The following MEN1 variants were observed in gnomAD, a reference collection of about 807,000 sequenced individuals.
MEN1 encodes the protein menin 1.
In MEN1, 6 loss-of-function variants were observed where a neutral mutation model predicts 58.0. That is an observed-to-expected ratio of 0.10 (90% CI 0.06 to 0.20). The LOEUF (loss-of-function observed/expected upper bound fraction) is 0.20. MEN1 is among the 10% of genes least tolerant of loss of function. The pLI is 1.00. For missense variants in MEN1, 492 were observed against 818.5 expected (o/e 0.60, Z 4.87); for synonymous variants, 346 against 350.7 (o/e 0.99, Z 0.15).
chr11:64,806,220 G>C lies in MEN1; in HGVS notation c.1049+12C>G, dbSNP rs1941712661. On this transcript the variant is annotated intron_variant, in intron 7 of 9. Transcript: ENST00000450708. ...AAGGACAGGCTGCAGGCCCTAGTAG[G>C]GGGATCCTCACTCCTGGATGACAGT... is the stretch of plus-strand genomic sequence containing the variant. 6.2e-7 allele frequency: 1 copy of C among 1,614,026 alleles called. No homozygotes were observed. The highest frequency in any genetic ancestry group is 2.2e-5 in the East Asian group (1 of 44,888).
Position 64,806,307 on chromosome 11 carries a change from G to A in MEN1, c.974C>T (p.Ala325Val), listed in dbSNP as rs370840265. The change falls in exon 7 of 10, where the codon GCT becomes GTT. Residue 325 changes from alanine (A) to valine (V), a missense_variant. Transcript: ENST00000450708. ...ATTGCGGTTGCGACAGTGGTAGCCA[G>A]CCAGGTACATGTAGGGGTAGATGTG... ...DEHIYPYMYL[A>V]GYHCRNRNVR... 1 of 1,614,094 alleles carries A rather than the reference G, an allele frequency of 6.2e-7. No homozygotes were observed. Among genetic ancestry groups the A allele is most frequent in the Non-Finnish European group, 8.5e-7 (1 of 1,180,018 alleles).
intron 7 of MEN1, 176 bp from the exon 8 acceptor site, chr11:64,805,946 C>T: frequency 2.8e-6 from 2 of 712,432 alleles, no homozygotes; most frequent in Non-Finnish European, 4.8e-6. Flanking sequence ...AGGAGGGGGG[C>T]ATGGGGCCGA....
In MEN1 at chr11:64,807,059, C is replaced by T. The variant is rs769748450; in HGVS notation, c.864G>A (p.Glu288=). 2 of 1,613,784 alleles carry T rather than the reference C, an allele frequency of 1.2e-6. No individual in the cohort carries two copies. The highest frequency in any genetic ancestry group is 2.2e-5 in the South Asian group (2 of 91,066). The change falls in exon 6 of 10, where the codon GAG becomes GAA. Residue 288 remains glutamate, a synonymous_variant. Coordinates refer to ENST00000450708, the MANE Select transcript of MEN1 (RefSeq NM_001370259.2). The surrounding 1 kb of genome is among the most constrained non-coding windows in gnomAD (Gnocchi z 4.9). ...MALGNLADLE[E]LEPTPGRPDP... Reference sequence around the variant, plus strand: ...CTGGCCGGCCAGGGGTGGGCTCCAGCTCCTCTAGATCTGCCAGGTTCCCTA... The same window carrying T: ...CTGGCCGGCCAGGGGTGGGCTCCAGTTCCTCTAGATCTGCCAGGTTCCCTA...
chr11:64,804,091 T>G lies in MEN1; in HGVS notation c.*243A>C. 3.5e-6 allele frequency: 2 copies of G among 563,580 alleles called. No individual in the cohort carries two copies. Among genetic ancestry groups the G allele is most frequent in the Non-Finnish European group, 6.3e-6 (2 of 315,454 alleles). The allele number at this position is 563,580 out of a possible 1,614,324, so 34.9% of individuals were successfully genotyped here. A position where few individuals can be genotyped will look rare whatever the true frequency, so the allele number is the denominator to read the frequency against. ...CTGGTAATTAGGACCCAGCGTGAGG[T>G]TTCCATTGGCCGGCTGGGATTCTGG... On this transcript the variant is annotated 3_prime_UTR_variant, in exon 10 of 10. Coordinates refer to ENST00000450708, the MANE Select transcript of MEN1 (RefSeq NM_001370259.2). The surrounding 1 kb of genome is among the most constrained non-coding windows in gnomAD (Gnocchi z 4.2).
Position 64,805,038 on chromosome 11 carries a change from C to A in MEN1, c.1346G>T (p.Gly449Val). 6.2e-7 allele frequency: 1 copy of A among 1,613,846 alleles called. No homozygotes were observed. The highest frequency in any genetic ancestry group is 8.5e-7 in the Non-Finnish European group (1 of 1,180,032). Residue 449 changes from glycine to valine, a missense_variant, in exon 9 of 10, where the codon GGA becomes GTA. Around this residue, in one of 5 missense-constraint regions of MEN1, gnomAD observed 45 missense variants for 66.9 expected, o/e 0.67. Transcript: ENST00000450708. The stretch of plus-strand genomic sequence containing the variant: ...CTCTGTGCAGCTGTCCCTCACCTGT[C>A]CCTCAAAACGGCCTAGGGACTGCAC... ...FLVQSLGRFE[G>V]QVRQKVRIVS...
chr11:64,808,942 G>A (rs972289338), intron 2 of MEN1, among the ~76,000 whole-genome samples: 33 of 134,154 alleles, frequency 2.5e-4, no homozygotes, highest in African/African-American at 8.4e-4. Context: ...GCGACAGAGT[G>A]AGACGCCGTC....
Position 64,804,868 on chromosome 11 carries a change from G to C in MEN1, c.1351-52C>G. ...GAGCAAGGTTGCCGGCCAGTGGCTGGAACTCCAGGACCCTGCTCTGGCCAT... is the reference window on the plus strand; with the variant it reads ...GAGCAAGGTTGCCGGCCAGTGGCTGCAACTCCAGGACCCTGCTCTGGCCAT... On this transcript the variant is annotated intron_variant, in intron 9 of 9. Transcript: ENST00000450708. The surrounding 1 kb of genome is among the most constrained non-coding windows in gnomAD (Gnocchi z 4.2). 1.3e-6 allele frequency: 2 copies of C among 1,595,192 alleles called. No homozygotes were observed. The highest frequency in any genetic ancestry group is 1.7e-6 in the Non-Finnish European group (2 of 1,177,816).
At position 64,804,276 on chromosome 11, in the gene MEN1, G is replaced by C; in HGVS notation, c.*58C>G. The C allele has an allele frequency of 2.5e-6, 4 of 1,612,426 alleles. No individual in the cohort carries two copies. The highest frequency in any genetic ancestry group is 3.4e-6 in the Non-Finnish European group (4 of 1,179,054). On this transcript the variant is annotated 3_prime_UTR_variant, in exon 10 of 10. Transcript: ENST00000450708. This position sits in a 1 kb window ranked among gnomAD's most constrained non-coding sequence, Gnocchi z 4.2. ...GCTGGGGGCAGAACATGGGCTCAGA[G>C]TTGGGGGACTAAGGGCGGAGCCTGG...
In MEN1 at chr11:64,806,357, T is replaced by C. The variant is rs1941731827; in HGVS notation, c.924A>G (p.Ser308=). The C allele has an allele frequency of 6.2e-7, 1 of 1,614,046 alleles. No individual in the cohort carries two copies. Among genetic ancestry groups the C allele is most frequent in the Admixed American group, 1.7e-5 (1 of 60,008 alleles). Reference sequence around the variant, plus strand: ...GTTCATCCCGATAGTAGGTCTTGGCTGAGGCAATGCCCTGGATGGAGGTGA... The same window carrying C: ...GTTCATCCCGATAGTAGGTCTTGGCCGAGGCAATGCCCTGGATGGAGGTGA... ...PLTLYHKGIA[S]AKTYYRDEHI... is the part of the protein sequence containing the mutation. The change falls in exon 7 of 10, where the codon TCA becomes TCG. Residue 308 remains serine, a synonymous_variant. Transcript: ENST00000450708.
At chr11:64,810,565 T>TGCTGG (rs1942062541), upstream of MEN1, 2 of 164,718 alleles carry the variant, frequency 1.2e-5, no homozygotes, top group African/African-American at 4.8e-5. Context: ...GCCCGGAGCC[T>TGCTGG]GCTGGGACAT....
At chr11:64,805,852 GC>G in intron 7 of MEN1, 82 bp from the exon 8 acceptor site, 6 of 1,432,408 alleles carry the variant, frequency 4.2e-6, no homozygotes, top group Admixed American at 1.7e-5. Flanking sequence ...GGGGGATGGA[GC>G]CCCCAGGGGC....
chr11:64,807,787 G>T lies in MEN1; in HGVS notation c.654+104C>A. On this transcript the variant is annotated intron_variant, in intron 3 of 9. Transcript: ENST00000450708. This position sits in a 1 kb window ranked among gnomAD's most constrained non-coding sequence, Gnocchi z 4.9. ...TCTTCTGTCTTCCCTTCCTATGTGG[G>T]TGGTGATGGGAAGAAAGGGGTGTGG... 6 of 1,605,682 alleles carry T rather than the reference G, an allele frequency of 3.7e-6. No individual in the cohort carries two copies. Among genetic ancestry groups the T allele is most frequent in the Non-Finnish European group, 5.1e-6 (6 of 1,173,422 alleles).
chr11:64,808,202 C>G, intron 2 of MEN1, 103 bp from the exon 3 acceptor site: 1 of 1,116,640 alleles, frequency 9.0e-7, no homozygotes, highest in South Asian at 1.4e-5. Context: ...CCTTTCCAAG[C>G]CTGTGACCCA....
At position 64,805,709 on chromosome 11, in the gene MEN1, C is replaced by T. The variant is rs1941669758; in HGVS notation, c.1111G>A (p.Val371Ile). Residue 371 changes from valine to isoleucine, a missense_variant, in exon 8 of 10, where the codon GTC becomes ATC. Transcript: ENST00000450708. ...YKEFFEVANDVIPNLLKEAAS... is the reference protein window; with the variant it reads ...YKEFFEVANDIIPNLLKEAAS... Reference sequence around the variant, plus strand: ...GCCTCCTTCAGCAGGTTGGGGATGACATCATTGGCTACTTCAAAGAACTCC... The same window carrying T: ...GCCTCCTTCAGCAGGTTGGGGATGATATCATTGGCTACTTCAAAGAACTCC... The T allele has an allele frequency of 1.9e-6, 3 of 1,614,208 alleles. No individual in the cohort carries two copies. Among genetic ancestry groups the T allele is most frequent in the Non-Finnish European group, 2.5e-6 (3 of 1,180,018 alleles).
intron 6 of MEN1, 38 bp from the exon 7 acceptor site, chr11:64,806,406 GC>G: frequency 6.2e-7 from 1 of 1,613,552 alleles, no homozygotes; most frequent in African/African-American, 1.3e-5. Flanking sequence ...CAGGGAGGCA[GC>G]CCCAGCTGCC....
At position 64,806,240 on chromosome 11, in the gene MEN1, G is replaced by A; in HGVS notation, c.1041C>T (p.Val347=). 1 of 1,614,184 alleles carries A rather than the reference G, an allele frequency of 6.2e-7. No homozygotes were observed. The change falls in exon 7 of 10, where the codon GTC becomes GTT. Residue 347 remains valine, a synonymous_variant. Transcript: ENST00000450708. ...ALQAWADTAT[V]IQDYNYCRED... is the part of the protein sequence containing the mutation. Reference sequence around the variant, plus strand: ...AGTAGGGGGATCCTCACTCCTGGATGACAGTGGCCGTGTCCGCCCAGGCCT... The same window carrying A: ...AGTAGGGGGATCCTCACTCCTGGATAACAGTGGCCGTGTCCGCCCAGGCCT...
rs759337318 is a variant in MEN1 at position 64,806,269 on chromosome 11, G to C, written c.1012C>G (p.Leu338Val). The change falls in exon 7 of 10, where the codon CTG becomes GTG. Residue 338 changes from leucine to valine, a missense_variant. By Grantham distance (32) the Leu-to-Val change is conservative (BLOSUM62 1). Coordinates refer to ENST00000450708, the MANE Select transcript of MEN1 (RefSeq NM_001370259.2). ...GTGGCCGTGTCCGCCCAGGCCTGCA[G>C]GGCTTCCCGCACATTGCGGTTGCGA... ...HCRNRNVREA[L>V]QAWADTATVI... is the part of the protein sequence containing the mutation. The C allele has an allele frequency of 3.7e-6, 6 of 1,614,214 alleles. No homozygotes were observed. The Admixed American group carries it at 1.0e-4, about 27-fold the overall frequency.
chr11:64,806,481 C>G lies in MEN1; in HGVS notation c.913-113G>C, dbSNP rs1164070011. On this transcript the variant is annotated intron_variant, in intron 6 of 9. Coordinates refer to ENST00000450708, the MANE Select transcript of MEN1 (RefSeq NM_001370259.2). ...GGGCCACAGGAAGATCCCAGGGAGT[C>G]CTCTCCATCTCCACTCCCACCTCCA... 8 of 1,247,796 alleles carry G rather than the reference C, an allele frequency of 6.4e-6. No individual in the cohort carries two copies. In the East Asian group the frequency reaches 1.9e-4, roughly 29 times the overall value. 77.3% of individuals were successfully genotyped at this position (1,247,796 alleles called of 1,614,324 possible).
chr11:64,809,263 CAAAA>C (rs11404218), intron 2 of MEN1, among the ~76,000 whole-genome samples: 3 of 116,046 alleles, frequency 2.6e-5, no homozygotes, highest in African/African-American at 3.5e-5. Flanking sequence ...GACCCTGTCT[CAAAA>C]AAAAAAAAAA....
Sources: gnomAD v4.1 joint callset for allele counts (sites outside exome capture counted in the v4.1 genomes callset) on GRCh38, gnomAD v4.1.1 for gene constraint, gnomAD v4.1.1 regional missense constraint, Gnocchi (gnomAD v3.1) non-coding constraint, MANE v1.5 for transcripts, NCBI Gene and HGNC (gene_info 2026-07-23, HGNC 2026-07-21) for gene names.